The following PLD5 variants were observed in gnomAD, a reference collection of about 807,000 sequenced individuals.
PLD5 encodes inactive phospholipase D5.
In PLD5, 36 loss-of-function variants were observed where a neutral mutation model predicts 61.1. The observed-to-expected ratio is 0.59, with a 90% CI of 0.45 to 0.78. The LOEUF (loss-of-function observed/expected upper bound fraction) is 0.78, where lower values mean the gene tolerates loss of function less well. PLD5 is among the 30% of genes least tolerant of loss of function. PLD5 has a pLI of 0.00. For synonymous variants in PLD5, 243 were observed against 242.8 expected (o/e 1.00, Z -0.01); for missense variants, 515 against 644.4 (o/e 0.80, Z 2.17).
intron 1 of PLD5, among the ~76,000 whole-genome samples, chr1:242,504,436 G>A (rs1668657203): frequency 6.6e-6 from 1 of 152,026 alleles, no homozygotes; most frequent in Non-Finnish European, 1.5e-5. Flanking sequence ...CAATCCATAG[G>A]GCCCACTTAG....
rs988345400 is a variant in PLD5, at chr1:242,256,111, T to C, written c.607+9226A>G. Among the ~76,000 whole-genome samples the C allele has an allele frequency of 6.6e-6, 1 of 152,056 alleles. No homozygotes were observed. Among genetic ancestry groups the C allele is most frequent in the Non-Finnish European group, 1.5e-5 (1 of 68,004 alleles). ...GCTATATAGTGCTAATGAGGGAAAG[T>C]TGGGGTCACTTTTAAACTGGGTGTC... On this transcript the variant is annotated intron_variant, in intron 4 of 9. Transcript: ENST00000536534. The surrounding 1 kb of genome is among the most constrained non-coding windows in gnomAD (Gnocchi z 5.7).
intron 4 of PLD5, among the ~76,000 whole-genome samples, chr1:242,264,049 C>A (rs560752597): frequency 1.6e-4 from 25 of 151,876 alleles, no homozygotes; most frequent in Non-Finnish European, 3.5e-4. Context: ...TGCTAGGAAA[C>A]TCCATAAGGA....
chr1:242,433,057 A>G (rs970599682), intron 1 of PLD5, among the ~76,000 whole-genome samples: 1 of 152,180 alleles, frequency 6.6e-6, no homozygotes, highest in Non-Finnish European at 1.5e-5. Context: ...AGCTATTGAA[A>G]ATACACAAAA....
Position 242,524,311 on chromosome 1 carries a change from G to C in PLD5, c.-35C>G, listed in dbSNP as rs1393612563. On this transcript the variant is annotated 5_prime_UTR_variant, in exon 1 of 10. Coordinates refer to ENST00000536534, the MANE Select transcript of PLD5 (RefSeq NM_001372062.1). ...ACCGGGCGGCCGCCGGCGAGCAGCG[G>C]ACTCGGGACGGGCGCGCGGGGAGCC... 1 of 1,376,084 alleles carries C rather than the reference G, an allele frequency of 7.3e-7. No individual in the cohort carries two copies. Among genetic ancestry groups the C allele is most frequent in the Non-Finnish European group, 9.3e-7 (1 of 1,073,280 alleles). 85.2% of individuals were successfully genotyped at this position (1,376,084 alleles called of 1,614,324 possible). A position where few individuals can be genotyped will look rare whatever the true frequency, so the allele number is the denominator to read the frequency against.
At chr1:242,447,035 A>G (rs2810035) in intron 1 of PLD5, among the ~76,000 whole-genome samples, 40,753 of 152,154 alleles carry the variant, frequency 0.27, 6,263 homozygotes, top group Non-Finnish European at 0.34. Flanking sequence ...ATATGTATTT[A>G]AAAGCAAGAA....
chr1:242,278,637 C>T (rs563647016), intron 3 of PLD5, among the ~76,000 whole-genome samples: 4 of 152,286 alleles, frequency 2.6e-5, no homozygotes, highest in South Asian at 4.1e-4. Context: ...GAGAGCACCC[C>T]TCAGTGTTGT....
chr1:242,483,735 C>T (rs1020887440), intron 1 of PLD5, among the ~76,000 whole-genome samples: 1 of 152,184 alleles, frequency 6.6e-6, no homozygotes, highest in Admixed American at 6.5e-5. Context: ...GAACTCTCCA[C>T]CCCAAATCAA....
At chr1:242,520,504 GA>G (rs1669247286) in intron 1 of PLD5, among the ~76,000 whole-genome samples, 1 of 152,124 alleles carries the variant, frequency 6.6e-6, no homozygotes, top group Non-Finnish European at 1.5e-5. Context: ...ATCGAAGTCT[GA>G]ACCCAGATCC....
intron 1 of PLD5, among the ~76,000 whole-genome samples, chr1:242,372,888 G>C (rs1661717828): frequency 1.3e-5 from 2 of 152,102 alleles, no homozygotes; most frequent in Admixed American, 1.3e-4. Flanking sequence ...CATGGGCAAG[G>C]ACTTCATGTC....
intron 1 of PLD5, among the ~76,000 whole-genome samples, chr1:242,438,110 A>C (rs1666088274): frequency 6.6e-6 from 1 of 152,168 alleles, no homozygotes; most frequent in Non-Finnish European, 1.5e-5. Context: ...ATTCGTAGAT[A>C]TCCTTGATTA....
chr1:242,449,654 T>C (rs1222764635), intron 1 of PLD5, among the ~76,000 whole-genome samples: 1 of 152,220 alleles, frequency 6.6e-6, no homozygotes. Flanking sequence ...GGGACTGCTA[T>C]GTTTAATTAT....
intron 4 of PLD5, among the ~76,000 whole-genome samples, chr1:242,241,261 G>C (rs1201487489): frequency 1.3e-5 from 2 of 152,132 alleles, no homozygotes; most frequent in African/African-American, 4.8e-5. Flanking sequence ...GACAAAGATT[G>C]TGTAGGGTAG....
At chr1:242,396,129 G>A (rs538506405) in intron 1 of PLD5, among the ~76,000 whole-genome samples, 1 of 152,292 alleles carries the variant, frequency 6.6e-6, no homozygotes, top group South Asian at 2.1e-4. Flanking sequence ...AGGTGTCTGG[G>A]ATGAAATAGC....
intron 9 of PLD5, among the ~76,000 whole-genome samples, chr1:242,097,401 T>G (rs893520732): frequency 6.6e-6 from 1 of 152,186 alleles, no homozygotes; most frequent in Non-Finnish European, 1.5e-5. Flanking sequence ...CCACATCCTC[T>G]CCAGCACCTG....
chr1:242,175,480 C>T (rs1169207090), intron 5 of PLD5, among the ~76,000 whole-genome samples: 1 of 152,100 alleles, frequency 6.6e-6, no homozygotes, highest in Non-Finnish European at 1.5e-5. Context: ...ATGATAAACC[C>T]ACATCAATAT....
intron 9 of PLD5, among the ~76,000 whole-genome samples, chr1:242,093,266 G>T (rs1280998865): frequency 6.6e-6 from 1 of 152,122 alleles, no homozygotes; most frequent in Non-Finnish European, 1.5e-5. Context: ...CTCTAAACGG[G>T]ATTAGTAGCT....
chr1:242,268,036 A>C (rs938239950), intron 3 of PLD5, among the ~76,000 whole-genome samples: 3 of 152,112 alleles, frequency 2.0e-5, no homozygotes, highest in Non-Finnish European at 4.4e-5. Flanking sequence ...TACTGTGTAG[A>C]GGTAGGAGCT....
intron 5 of PLD5, among the ~76,000 whole-genome samples, chr1:242,196,059 A>G (rs545254396): frequency 1.7e-4 from 26 of 152,314 alleles, no homozygotes; most frequent in South Asian, 1.5e-3. Flanking sequence ...GGTTGTGAAA[A>G]TGATCTGAAC....
chr1:242,177,406 G>C (rs1241591796), intron 5 of PLD5, among the ~76,000 whole-genome samples: 1 of 152,090 alleles, frequency 6.6e-6, no homozygotes, highest in African/African-American at 2.4e-5. Context: ...CACACACCGG[G>C]GCCTGTTGGG....
Sources: allele counts gnomAD v4.1 joint callset (sites outside exome capture counted in the v4.1 genomes callset), GRCh38; gene constraint gnomAD v4.1.1; non-coding constraint Gnocchi (gnomAD v3.1); transcripts MANE v1.5; gene names NCBI Gene and HGNC (gene_info 2026-07-23, HGNC 2026-07-21).